Variants in FBXL4 observed in about 807,000 individuals in gnomAD.
FBXL4 encodes the protein F-box and leucine rich repeat protein 4.
FBXL4 carries 40 observed loss-of-function variants against 58.9 expected under a neutral mutation model. The ratio of observed to expected loss-of-function variants is 0.68; its 90% CI spans 0.53 to 0.88. The LOEUF is 0.88. Among genes scored for constraint, FBXL4 ranks in the 40% least tolerant of loss-of-function variants. FBXL4 has a pLI of 0.00. For missense variants in FBXL4, 676 were observed against 734.4 expected (o/e 0.92, Z 0.92); for synonymous variants, 263 against 265.5 (o/e 0.99, Z 0.09).
At chr6:98,928,219 T>A (rs1582441627) in intron 2 of FBXL4, among the ~76,000 whole-genome samples, 1 of 152,168 alleles carries the variant, frequency 6.6e-6, no homozygotes, top group Admixed American at 6.5e-5. Flanking sequence ...CTGGGGCCCA[T>A]CCTCATTGAG....
Position 98,875,702 on chromosome 6 carries a change from C to T in FBXL4, c.1415G>A (p.Ser472Asn). 6.2e-7 allele frequency: 1 copy of T among 1,613,708 alleles called. No homozygotes were observed. Among genetic ancestry groups the T allele is most frequent in the South Asian group, 1.1e-5 (1 of 91,082 alleles). The stretch of plus-strand genomic sequence containing the variant: ...TTTTTTACACTTGGCTCCTATCATG[C>T]TAGCTATCACATCATAGTCTTCAAT... ...VMIEDYDVIASMIGAKCKKLR... is the reference protein window; with the variant it reads ...VMIEDYDVIANMIGAKCKKLR... The change falls in exon 9 of 10, where the codon AGC (serine) becomes AAC (asparagine). Residue 472 changes from serine to asparagine, a missense_variant. By Grantham distance (46) the Ser-to-Asn change is conservative. Transcript: ENST00000369244.
At chr6:98,922,997 AGATGGG>A (rs1772639571) in intron 4 of FBXL4, among the ~76,000 whole-genome samples, 1 of 152,168 alleles carries the variant, frequency 6.6e-6, no homozygotes, top group African/African-American at 2.4e-5. Flanking sequence ...GCCACCCTGC[AGATGGG>A]CTTGCTTTGC....
At chr6:98,941,199 T>TA (rs1239651934) in intron 1 of FBXL4, among the ~76,000 whole-genome samples, 2 of 151,702 alleles carry the variant, frequency 1.3e-5, no homozygotes, top group Non-Finnish European at 2.9e-5. Flanking sequence ...TGTACAGTGT[T>TA]ACATCCATAC....
At chr6:98,928,319 T>C (rs1772869815) in intron 2 of FBXL4, among the ~76,000 whole-genome samples, 1 of 151,988 alleles carries the variant, frequency 6.6e-6, no homozygotes, top group African/African-American at 2.4e-5. Context: ...AGAAGGGAGA[T>C]GTACCAACTT....
At chr6:98,885,522 T>G (rs967807342) in intron 7 of FBXL4, among the ~76,000 whole-genome samples, 6 of 152,114 alleles carry the variant, frequency 3.9e-5, no homozygotes, top group African/African-American at 1.4e-4. Flanking sequence ...AAGGCCTGAA[T>G]AGAAAAAACA....
At chr6:98,912,431 G>A (rs938940733) in intron 5 of FBXL4, among the ~76,000 whole-genome samples, 1 of 152,134 alleles carries the variant, frequency 6.6e-6, no homozygotes, top group Non-Finnish European at 1.5e-5. Flanking sequence ...AGAGAGAAAG[G>A]TCGGGTTACC....
At chr6:98,893,334 T>C (rs1265936470) in intron 7 of FBXL4, among the ~76,000 whole-genome samples, 1 of 152,170 alleles carries the variant, frequency 6.6e-6, no homozygotes, top group East Asian at 1.9e-4. Context: ...GCTAGAAATC[T>C]GAGATCTAGG....
In FBXL4 at chr6:98,870,899, TG is replaced by T. The variant is rs1389229559; in HGVS notation, c.*3378del. On this transcript the variant is annotated 3_prime_UTR_variant, in exon 10 of 10. Coordinates refer to ENST00000369244, the MANE Select transcript of FBXL4 (RefSeq NM_001278716.2). ...GAGTTCAAGACCAGCCTGGACAACA[TG>T]GTAAAACCCCATTTCTACTAAAAAC... 6.6e-6 allele frequency: 1 copy of T among 152,008 alleles called. No homozygotes were observed. Among genetic ancestry groups the T allele is most frequent in the Non-Finnish European group, 1.5e-5 (1 of 68,016 alleles). 9.4% of individuals were successfully genotyped at this position (152,008 alleles called of 1,614,324 possible).
At chr6:98,929,501 G>A (rs1485303907) in intron 2 of FBXL4, among the ~76,000 whole-genome samples, 6 of 151,218 alleles carry the variant, frequency 4.0e-5, no homozygotes, top group Admixed American at 3.3e-4. Flanking sequence ...AATCCAAGAG[G>A]TGGAGATTGC....
At chr6:98,941,831 A>C (rs1031675421) in intron 1 of FBXL4, among the ~76,000 whole-genome samples, 1 of 152,230 alleles carries the variant, frequency 6.6e-6, no homozygotes, top group Non-Finnish European at 1.5e-5. Context: ...GGCATTCAGG[A>C]AAAGTTAAAG....
intron 7 of FBXL4, among the ~76,000 whole-genome samples, chr6:98,885,381 T>C (rs1366967760): frequency 6.6e-6 from 1 of 152,168 alleles, no homozygotes; most frequent in Non-Finnish European, 1.5e-5. Flanking sequence ...ATTACAGGTG[T>C]GAGTCACTAC....
chr6:98,929,273 A>G (rs578053548), intron 2 of FBXL4, among the ~76,000 whole-genome samples: 2 of 152,176 alleles, frequency 1.3e-5, no homozygotes, highest in African/African-American at 4.8e-5. Context: ...CAGTAGTAAG[A>G]AACTAAGAAG....
chr6:98,911,467 C>G (rs1772065555), intron 5 of FBXL4, among the ~76,000 whole-genome samples: 1 of 152,230 alleles, frequency 6.6e-6, no homozygotes, highest in Admixed American at 6.5e-5. Flanking sequence ...CGGCCGGGTA[C>G]TCCTCTGAGA....
intron 1 of FBXL4, among the ~76,000 whole-genome samples, chr6:98,935,254 G>C (rs1773163042): frequency 7.5e-6 from 1 of 134,142 alleles, no homozygotes; most frequent in African/African-American, 2.8e-5. Context: ...GGAACTGAAG[G>C]AATCTTTTTT....
intron 1 of FBXL4, among the ~76,000 whole-genome samples, chr6:98,945,500 T>A (rs1475309498): frequency 1.3e-5 from 2 of 152,214 alleles, no homozygotes; most frequent in East Asian, 3.8e-4. Flanking sequence ...ACTGGGTAGG[T>A]GGGCACACAG....
At chr6:98,875,123 C>T (rs902781034) in intron 9 of FBXL4, 5 of 356,122 alleles carry the variant, frequency 1.4e-5, no homozygotes, top group Admixed American at 9.0e-5. Context: ...AAATAGAGAG[C>T]GCAGCTCATG....
At chr6:98,910,600 T>C (rs961029390) in intron 5 of FBXL4, among the ~76,000 whole-genome samples, 2 of 148,140 alleles carry the variant, frequency 1.4e-5, no homozygotes, top group African/African-American at 5.0e-5. Context: ...GAGCTTGCAG[T>C]GAGCCGAGAT....
chr6:98,915,985 C>A (rs551665500), intron 5 of FBXL4, among the ~76,000 whole-genome samples: 32 of 152,040 alleles, frequency 2.1e-4, no homozygotes, highest in Admixed American at 2.1e-3. Flanking sequence ...AAAAAAACAA[C>A]CCCATCAAAA....
In FBXL4 at chr6:98,924,061, T is replaced by C. The variant is rs527524241; in HGVS notation, c.512+2416A>G. Among the ~76,000 whole-genome samples, 13 of 152,316 alleles carry C rather than the reference T, an allele frequency of 8.5e-5. No individual in the cohort carries two copies. The South Asian group carries it at 2.7e-3, about 32-fold the overall frequency. ...GGTATAAATAAAGTTTTAACTTTAA[T>C]CACAACCATATACCAGTAACTCTCA... On this transcript the variant is annotated intron_variant, in intron 4 of 9. Coordinates refer to ENST00000369244, the MANE Select transcript of FBXL4 (RefSeq NM_001278716.2).
Sources: gnomAD v4.1 joint callset for allele counts (sites outside exome capture counted in the v4.1 genomes callset) on GRCh38, gnomAD v4.1.1 for gene constraint, MANE v1.5 for transcripts, NCBI Gene and HGNC (gene_info 2026-07-23, HGNC 2026-07-21) for gene names.